Variants in GBP7 observed in about 807,000 individuals in gnomAD.
GBP7 encodes the protein guanylate binding protein 7, also known as guanylate-binding protein 7.
Under a neutral mutation model 61.3 loss-of-function variants are expected in GBP7, and 43 were observed. The observed-to-expected ratio is 0.70, with a 90% CI of 0.55 to 0.91. The LOEUF (loss-of-function observed/expected upper bound fraction) is 0.91. GBP7 is among the 40% of genes least tolerant of loss of function. The pLI is 0.00. For synonymous variants in GBP7, 267 were observed against 271.0 expected (o/e 0.99, Z 0.14); for missense variants, 717 against 740.5 (o/e 0.97, Z 0.37).
intron 8 of GBP7, among the ~76,000 whole-genome samples, chr1:89,145,171 T>TCC (rs1682037169): frequency 1.3e-5 from 2 of 152,156 alleles, no homozygotes; most frequent in African/African-American, 4.8e-5. Flanking sequence ...CAGGATGGAC[T>TCC]TGATCTCCTG....
chr1:89,143,260 T>A (rs1032319739), intron 8 of GBP7, among the ~76,000 whole-genome samples: 1 of 152,184 alleles, frequency 6.6e-6, no homozygotes, highest in African/African-American at 2.4e-5. Flanking sequence ...ATAAGTGAAA[T>A]TACCTGACCT....
chr1:89,144,207 T>G (rs1682016594), intron 8 of GBP7, among the ~76,000 whole-genome samples: 2 of 152,196 alleles, frequency 1.3e-5, no homozygotes, highest in African/African-American at 4.8e-5. Flanking sequence ...ACGACATGAT[T>G]TCATTCTTTT....
rs373729222 is a variant in GBP7 at position 89,134,022 on chromosome 1, A to G, written c.1469-571T>C. On this transcript the variant is annotated intron_variant, in intron 9 of 10. Transcript: ENST00000294671. ...AACTGGGCTATCTTGCCTGTGGGAC[A>G]GATCCAGTATGGTCTGAGCACCTCC... Among the ~76,000 whole-genome samples, 56 of 152,326 alleles carry G rather than the reference A, an allele frequency of 3.7e-4. 6 individuals are homozygous for G. Among genetic ancestry groups the G allele is most frequent in the Admixed American group, 9.1e-4 (14 of 15,304 alleles).
In GBP7 at chr1:89,173,954, C is replaced by T. The variant is rs976849703; in HGVS notation, c.-20+1967G>A. 1.5e-4 allele frequency among the ~76,000 whole-genome samples: 23 copies of T among 152,138 alleles called. 1 individual carries two copies. Among genetic ancestry groups the T allele is most frequent in the African/African-American group, 3.4e-4 (14 of 41,448 alleles). On this transcript the variant is annotated intron_variant, in intron 1 of 10. Transcript: ENST00000294671. ...CCCAATCTTGTTAGTTTCTGGTTTACGCTTCTTGGATTTTCTTTTCTCAAA... is the reference window on the plus strand; with the variant it reads ...CCCAATCTTGTTAGTTTCTGGTTTATGCTTCTTGGATTTTCTTTTCTCAAA...
intron 1 of GBP7, among the ~76,000 whole-genome samples, chr1:89,173,177 C>A (rs1203278847): frequency 3.3e-5 from 5 of 152,080 alleles, no homozygotes; most frequent in African/African-American, 4.8e-5. Flanking sequence ...ACATTTCTCC[C>A]AGTATCTTTG....
chr1:89,133,497 G>A (rs1159687135), intron 9 of GBP7, 46 bp from the exon 10 acceptor site: 3 of 1,533,662 alleles, frequency 2.0e-6, no homozygotes, highest in Non-Finnish European at 2.7e-6. Flanking sequence ...ACAGTCAGGT[G>A]GGAGAAGAAC....
chr1:89,149,153 C>A, intron 7 of GBP7, 139 bp downstream of exon 7: 2 of 613,102 alleles, frequency 3.3e-6, no homozygotes, highest in Non-Finnish European at 5.1e-6. Flanking sequence ...AAAACTGTAG[C>A]CCATTAAATT....
At chr1:89,171,647 A>T (rs770770996) in intron 2 of GBP7, 99 bp downstream of exon 2, 36 of 1,081,124 alleles carry the variant, frequency 3.3e-5, no homozygotes, top group Non-Finnish European at 4.8e-5. Context: ...ATCAATACTT[A>T]TCCCCAACAC....
chr1:89,168,308 AC>A (rs911894338), intron 2 of GBP7, among the ~76,000 whole-genome samples: 13 of 152,174 alleles, frequency 8.5e-5, no homozygotes, highest in African/African-American at 2.2e-4. Context: ...CTGCTTTTTA[AC>A]CCCTTTGTGC....
chr1:89,164,887 A>T (rs1647380153), intron 2 of GBP7, 29 bp from the exon 3 acceptor site: 10 of 1,611,018 alleles, frequency 6.2e-6, no homozygotes, highest in Non-Finnish European at 8.5e-6. Context: ...AACAACATAT[A>T]GTGACAGCAG....
chr1:89,169,661 T>C (rs1647544322), intron 2 of GBP7, among the ~76,000 whole-genome samples: 1 of 152,196 alleles, frequency 6.6e-6, no homozygotes, highest in South Asian at 2.1e-4. Flanking sequence ...CTCTATACAC[T>C]AAAGCTACAC....
At position 89,131,946 on chromosome 1, in the gene GBP7, T is replaced by C. The variant is rs561601249; in HGVS notation, c.*203A>G. The C allele has an allele frequency of 4.7e-6, 2 of 428,204 alleles. No individual in the cohort carries two copies. The highest frequency in any genetic ancestry group is 8.2e-6 in the Non-Finnish European group (2 of 243,886). The allele number at this position is 428,204 out of a possible 1,614,324, so 26.5% of individuals were successfully genotyped here. A position where few individuals can be genotyped will look rare whatever the true frequency, so the allele number is the denominator to read the frequency against. ...CCTTTTGCTTTACTTAAATCTTTTC[T>C]AGGAATAATTTTATCTTCTAACTTG... On this transcript the variant is annotated 3_prime_UTR_variant, in exon 11 of 11. Coordinates refer to ENST00000294671, the MANE Select transcript of GBP7 (RefSeq NM_207398.3).
chr1:89,156,185 C>T (rs1179740526), intron 3 of GBP7, among the ~76,000 whole-genome samples: 1 of 152,210 alleles, frequency 6.6e-6, no homozygotes, highest in African/African-American at 2.4e-5. Flanking sequence ...GCCTGCCTTA[C>T]AAGAACTCCT....
chr1:89,157,654 G>A (rs1417848792), intron 3 of GBP7, among the ~76,000 whole-genome samples: 3 of 151,946 alleles, frequency 2.0e-5, no homozygotes, highest in South Asian at 2.1e-4. Flanking sequence ...ACTAAACCAG[G>A]AAGAAGTTGA....
chr1:89,136,610 GA>G (rs1228881676), intron 9 of GBP7, among the ~76,000 whole-genome samples: 1 of 152,144 alleles, frequency 6.6e-6, no homozygotes, highest in Admixed American at 6.5e-5. Context: ...TGAAATTAAT[GA>G]AAACAAAGAT....
At chr1:89,162,403 C>G (rs1287693993) in intron 3 of GBP7, among the ~76,000 whole-genome samples, 1 of 152,162 alleles carries the variant, frequency 6.6e-6, no homozygotes, top group African/African-American at 2.4e-5. Flanking sequence ...TTCTGTCTCT[C>G]CATGAGGAAG....
chr1:89,146,529 A>T (rs536756591), intron 8 of GBP7, among the ~76,000 whole-genome samples: 1 of 152,218 alleles, frequency 6.6e-6, no homozygotes, highest in Non-Finnish European at 1.5e-5. Context: ...CATATATCTG[A>T]TAAGTGCTTA....
At chr1:89,156,797 A>G (rs1570355450) in intron 3 of GBP7, among the ~76,000 whole-genome samples, 2 of 152,232 alleles carry the variant, frequency 1.3e-5, no homozygotes, top group Non-Finnish European at 2.9e-5. Context: ...AGACAGATCA[A>G]TGAGACAGAA....
rs748918178 is a variant in GBP7 at position 89,164,743 on chromosome 1, A to G, written c.306T>C (p.Gly102=). ...TLILLDTEGL[G]DMEKSDPKSD... ...GTCTCTTTCTTACCTTTTCCATATCACCCAGGCCCTCCGTGTCCAGAAGGA... is the reference window on the plus strand; with the variant it reads ...GTCTCTTTCTTACCTTTTCCATATCGCCCAGGCCCTCCGTGTCCAGAAGGA... Residue 102 remains glycine (G), a synonymous_variant, in exon 3 of 11, where the codon GGT becomes GGC. Transcript: ENST00000294671. 2 of 1,613,738 alleles carry G rather than the reference A, an allele frequency of 1.2e-6. No homozygotes were observed. The highest frequency in any genetic ancestry group is 4.5e-5 in the East Asian group (2 of 44,850).
Sources: gnomAD v4.1 joint callset for allele counts (sites outside exome capture counted in the v4.1 genomes callset) on GRCh38, gnomAD v4.1.1 for gene constraint, MANE v1.5 for transcripts, NCBI Gene and HGNC (gene_info 2026-07-23, HGNC 2026-07-21) for gene names.